The following VPS37A variants were observed in gnomAD, a reference collection of about 807,000 sequenced individuals.
The protein encoded by VPS37A is VPS37A subunit of ESCRT-I.
A neutral mutation model predicts 49.8 loss-of-function variants in VPS37A; 30 were observed. That is an observed-to-expected ratio of 0.60 (90% CI 0.45 to 0.82). The LOEUF (loss-of-function observed/expected upper bound fraction) is 0.82, where lower values mean the gene tolerates loss of function less well. VPS37A is among the 40% of genes least tolerant of loss of function. The pLI is 0.00. For synonymous variants in VPS37A, 195 were observed against 160.6 expected, an observed-to-expected ratio of 1.21 and a Z score of -1.62; for missense variants, 593 against 464.4, an observed-to-expected ratio of 1.28 and a Z score of -2.55.
chr8:17,283,273 A>G (rs74644279), intron 9 of VPS37A, among the ~76,000 whole-genome samples: 6,474 of 151,886 alleles, frequency 0.043, 480 homozygotes, highest in East Asian at 0.32. Context: ...CTCCCAATTC[A>G]TCCTCCCAAG....
the VPS37A span, among the ~76,000 whole-genome samples, chr8:17,318,612 C>G: frequency 6.6e-6 from 1 of 152,182 alleles, no homozygotes; most frequent in African/African-American, 2.4e-5. Flanking sequence ...CCTACCGCAT[C>G]ATGTCAGCTA....
chr8:17,278,273 A>G (rs2150398362), intron 6 of VPS37A, among the ~76,000 whole-genome samples: 1 of 152,234 alleles, frequency 6.6e-6, no homozygotes, highest in Non-Finnish European at 1.5e-5. Flanking sequence ...AAAGCACCTG[A>G]AATCATTGAC....
At chr8:17,276,206 A>G (rs1432407670) in intron 5 of VPS37A, among the ~76,000 whole-genome samples, 191 bp from the exon 6 acceptor site, 1 of 152,140 alleles carries the variant, frequency 6.6e-6, no homozygotes. Flanking sequence ...AAGTAATCCT[A>G]TGTATACGAC....
chr8:17,291,389 C>A (rs181675468), intron 11 of VPS37A, among the ~76,000 whole-genome samples: 227 of 146,698 alleles, frequency 1.5e-3, no homozygotes, highest in African/African-American at 5.5e-3. Flanking sequence ...GGCTAGTGGT[C>A]TATTTTGTTA....
chr8:17,275,006 C>G (rs779110522), intron 5 of VPS37A, 48 bp downstream of exon 5: 3 of 1,520,464 alleles, frequency 2.0e-6, no homozygotes, highest in South Asian at 1.1e-5. Flanking sequence ...AACATTCATT[C>G]AATCCACACA....
At chr8:17,319,584 C>T in the VPS37A span, among the ~76,000 whole-genome samples, 1 of 152,192 alleles carries the variant, frequency 6.6e-6, no homozygotes, top group African/African-American at 2.4e-5. Flanking sequence ...GTGACACTTA[C>T]ATACCAGGTA....
intron 9 of VPS37A, among the ~76,000 whole-genome samples, chr8:17,284,202 C>A (rs1351919249): frequency 6.6e-6 from 1 of 152,166 alleles, no homozygotes; most frequent in Non-Finnish European, 1.5e-5. Context: ...TGATTTAATT[C>A]GTAAATCCTT....
At chr8:17,269,878 C>A (rs558644130) in intron 4 of VPS37A, among the ~76,000 whole-genome samples, 1 of 152,240 alleles carries the variant, frequency 6.6e-6, no homozygotes, top group East Asian at 1.9e-4. Flanking sequence ...AAAGGAATAC[C>A]TGAGACTGGG....
intron 1 of VPS37A, chr8:17,248,418 G>T (rs1811625752): frequency 2.2e-6 from 1 of 454,398 alleles, no homozygotes; most frequent in African/African-American, 2.0e-5. Flanking sequence ...GGGATTACAG[G>T]TGCGCGCCAC....
intron 4 of VPS37A, chr8:17,272,027 C>G (rs1356686921): frequency 2.2e-6 from 1 of 456,628 alleles, no homozygotes; most frequent in Non-Finnish European, 4.4e-6. Flanking sequence ...TCCGCACTGC[C>G]TGGAAATCTC....
intron 11 of VPS37A, among the ~76,000 whole-genome samples, chr8:17,291,050 G>T (rs187207202): frequency 2.0e-5 from 3 of 152,134 alleles, no homozygotes; most frequent in South Asian, 2.1e-4. Flanking sequence ...CTCTCATTCT[G>T]TTGCCCAGGC....
the VPS37A span, among the ~76,000 whole-genome samples, chr8:17,330,216 C>T: frequency 7.2e-5 from 11 of 152,168 alleles, no homozygotes; most frequent in African/African-American, 2.2e-4. Flanking sequence ...TGAGAGCAAA[C>T]GTGGATTCCT....
chr8:17,271,080 G>GT (rs1391911161), intron 4 of VPS37A, among the ~76,000 whole-genome samples: 9 of 151,950 alleles, frequency 5.9e-5, no homozygotes, highest in Admixed American at 2.0e-4. Flanking sequence ...TGGGCACATT[G>GT]TTTTTTTTAT....
intron 6 of VPS37A, 64 bp from the exon 7 acceptor site, chr8:17,279,964 T>C (rs960995990): frequency 6.2e-7 from 1 of 1,602,732 alleles, no homozygotes; most frequent in Admixed American, 1.7e-5. Flanking sequence ...AAATTGTAAA[T>C]AGTTGTCATG....
Position 17,296,180 on chromosome 8 carries a change from T to C in VPS37A, c.*1194T>C, listed in dbSNP as rs560405842. On this transcript the variant is annotated 3_prime_UTR_variant, in exon 12 of 12. Transcript: ENST00000324849. The stretch of plus-strand genomic sequence containing the variant: ...TTTTAGTTCTTCCTGTACATGTTTT[T>C]GGCAATAAAGTTATAGGAAGAACAA... 1.3e-5 allele frequency: 2 copies of C among 152,354 alleles called. No homozygotes were observed. Among genetic ancestry groups the C allele is most frequent in the African/African-American group, 4.8e-5 (2 of 41,576 alleles). 9.4% of individuals were successfully genotyped at this position (152,354 alleles called of 1,614,324 possible).
chr8:17,251,994 A>G (rs1326012714), intron 1 of VPS37A, among the ~76,000 whole-genome samples: 2 of 152,196 alleles, frequency 1.3e-5, no homozygotes, highest in Admixed American at 6.5e-5. Context: ...TTGTTTCTAT[A>G]GAATTCATTC....
chr8:17,273,282 A>T lies in VPS37A; in HGVS notation c.417-1451A>T, dbSNP rs770993077. On this transcript the variant is annotated intron_variant, in intron 4 of 11. Coordinates refer to ENST00000324849, the MANE Select transcript of VPS37A (RefSeq NM_152415.3). ...AATCTTTAAAATAATATTTTACCCA[A>T]ATGTGAGCTTATTTGTTGGATAAAT... Among the ~76,000 whole-genome samples, 12 of 152,150 alleles carry T rather than the reference A, an allele frequency of 7.9e-5. No individual in the cohort carries two copies. The Middle Eastern group carries it at 0.014, about 173-fold the overall frequency.
intron 1 of VPS37A, chr8:17,247,943 G>T (rs966667603): frequency 3.3e-6 from 2 of 597,562 alleles, no homozygotes; most frequent in Admixed American, 3.0e-5. Context: ...ACCAGTGCAT[G>T]TACATTTCTC....
At chr8:17,332,598 T>C in the VPS37A span, among the ~76,000 whole-genome samples, 5 of 152,208 alleles carry the variant, frequency 3.3e-5, no homozygotes, top group African/African-American at 1.2e-4. Flanking sequence ...CATGGCAAAC[T>C]GGGAGCTGCT....
Sources: gnomAD v4.1 joint callset for allele counts (sites outside exome capture counted in the v4.1 genomes callset) on GRCh38, gnomAD v4.1.1 for gene constraint, MANE v1.5 for transcripts, NCBI Gene and HGNC (gene_info 2026-07-23, HGNC 2026-07-21) for gene names.